Variants in CLSPN observed in about 807,000 individuals in gnomAD.
CLSPN encodes claspin homolog.
A neutral mutation model predicts 156.3 loss-of-function variants in CLSPN; 85 were observed. The ratio of observed to expected loss-of-function variants is 0.54; its 90% CI spans 0.46 to 0.65. The LOEUF (loss-of-function observed/expected upper bound fraction) is 0.65, where lower values mean the gene tolerates loss of function less well. CLSPN is among the 30% of genes least tolerant of loss of function. CLSPN has a pLI of 0.00. For missense variants in CLSPN, 1,407 were observed against 1,554.9 expected (o/e 0.90, Z 1.60); for synonymous variants, 534 against 542.4 (o/e 0.98, Z 0.22).
At position 35,751,586 on chromosome 1, in the gene CLSPN, A is replaced by G. The variant is rs1642089315; in HGVS notation, c.1772-80T>C. 4 of 1,504,556 alleles carry G rather than the reference A, an allele frequency of 2.7e-6. No individual in the cohort carries two copies. In the East Asian group the frequency reaches 9.1e-5, roughly 34 times the overall value. 93.2% of individuals were successfully genotyped at this position (1,504,556 alleles called of 1,614,324 possible). A position where few individuals can be genotyped will look rare whatever the true frequency, so the allele number is the denominator to read the frequency against. On this transcript the variant is annotated intron_variant, in intron 9 of 24. Transcript: ENST00000318121. ...TTTTAGGCAACTCCAGAAATATTCT[A>G]GTCACATCCCAAAAGGAAAATCTGA...
intron 18 of CLSPN, among the ~76,000 whole-genome samples, chr1:35,741,792 G>A (rs919462504): frequency 6.6e-6 from 1 of 151,550 alleles, no homozygotes; most frequent in African/African-American, 2.4e-5. Context: ...GACCAACATG[G>A]TGAAACCCCG....
intron 24 of CLSPN, among the ~76,000 whole-genome samples, chr1:35,723,091 A>T (rs1641111406): frequency 6.6e-6 from 1 of 152,238 alleles, no homozygotes; most frequent in African/African-American, 2.4e-5. Flanking sequence ...GTCCATGTCC[A>T]CAGGAAGACA....
intron 8 of CLSPN, among the ~76,000 whole-genome samples, chr1:35,759,777 A>C (rs1175520952): frequency 1.3e-5 from 2 of 152,076 alleles, no homozygotes; most frequent in Non-Finnish European, 2.9e-5. Flanking sequence ...AAATTCCTAA[A>C]TACCATAACA....
At chr1:35,741,544 G>A (rs1435003504) in intron 18 of CLSPN, among the ~76,000 whole-genome samples, 1 of 152,114 alleles carries the variant, frequency 6.6e-6, no homozygotes, top group Admixed American at 6.6e-5. Flanking sequence ...TCGAACTCCT[G>A]ACCTCAGGTG....
rs1215685860 is a variant in CLSPN, at chr1:35,739,264, C to T, written c.3309-7G>A. 1.9e-6 allele frequency: 3 copies of T among 1,614,150 alleles called. No homozygotes were observed. The highest frequency in any genetic ancestry group is 2.5e-6 in the Non-Finnish European group (3 of 1,180,024). On this transcript the variant is annotated splice_polypyrimidine_tract_variant and splice_region_variant and intron_variant, in intron 19 of 24. Coordinates refer to ENST00000318121, the MANE Select transcript of CLSPN (RefSeq NM_022111.4). ...ATCATCCAACATAGTTTTCCTGCAACAGGAGAAATAAGGTGTTCAAAACAA... is the reference window on the plus strand; with the variant it reads ...ATCATCCAACATAGTTTTCCTGCAATAGGAGAAATAAGGTGTTCAAAACAA...
At chr1:35,748,774 A>T in intron 12 of CLSPN, 170 bp from the exon 13 acceptor site, 2 of 575,068 alleles carry the variant, frequency 3.5e-6, no homozygotes, top group Non-Finnish European at 6.4e-6. Context: ...AGATAGCATT[A>T]TATAATCAGG....
At chr1:35,730,360 A>G (rs1243060208), downstream of CLSPN, among the ~76,000 whole-genome samples, 1 of 152,054 alleles carries the variant, frequency 6.6e-6, no homozygotes, top group Non-Finnish European at 1.5e-5. Context: ...CCTGGCCAAC[A>G]TGGTGAAACC....
chr1:35,769,771 GGTCTACCCCGGCCC>G, intron 1 of CLSPN, 62 bp downstream of exon 1: 1 of 1,426,212 alleles, frequency 7.0e-7, no homozygotes, highest in Non-Finnish European at 9.4e-7. Context: ...GGGTCAGCGG[GGTCTACCCCGGCCC>G]CACCTAACCT....
At position 35,735,739 on chromosome 1, in the gene CLSPN, C is replaced by G. The variant is rs974778846; in HGVS notation, c.*757G>C. The G allele has an allele frequency of 3.0e-6, 3 of 984,596 alleles. No individual in the cohort carries two copies. Among genetic ancestry groups the G allele is most frequent in the African/African-American group, 3.5e-5 (2 of 57,032 alleles). The allele number at this position is 984,596 out of a possible 1,614,324, so 61.0% of individuals were successfully genotyped here. A position where few individuals can be genotyped will look rare whatever the true frequency, so the allele number is the denominator to read the frequency against. ...AAAAAGAAATCTTTCTTTCACCGAGCCCTGGTCATCATGGTACGTATCTCA... is the reference window on the plus strand; with the variant it reads ...AAAAAGAAATCTTTCTTTCACCGAGGCCTGGTCATCATGGTACGTATCTCA... On this transcript the variant is annotated 3_prime_UTR_variant, in exon 25 of 25. Coordinates refer to ENST00000318121, the MANE Select transcript of CLSPN (RefSeq NM_022111.4).
Position 35,735,231 on chromosome 1 carries a change from TC to T in CLSPN, c.*1264del, listed in dbSNP as rs1453319547. 6 of 985,290 alleles carry T rather than the reference TC, an allele frequency of 6.1e-6. No homozygotes were observed. The African/African-American group carries it at 1.0e-4, about 17-fold the overall frequency. 61.0% of individuals were successfully genotyped at this position (985,290 alleles called of 1,614,324 possible). A position where few individuals can be genotyped will look rare whatever the true frequency, so the allele number is the denominator to read the frequency against. The stretch of plus-strand genomic sequence containing the variant: ...CACTGGGTGTAACACTTTATCTTCA[TC>T]CCCAAGCCCCAGAAAATTAGAGGCA... On this transcript the variant is annotated 3_prime_UTR_variant, in exon 25 of 25. Transcript: ENST00000318121.
rs761454840 is a variant in CLSPN at position 35,764,497 on chromosome 1, C to A, written c.351G>T (p.Lys117Asn). 1.2e-6 allele frequency: 2 copies of A among 1,613,906 alleles called. No homozygotes were observed. Among genetic ancestry groups the A allele is most frequent in the Non-Finnish European group, 1.7e-6 (2 of 1,179,986 alleles). ...VADSDESYME[K>N]SLYQENLEAQ... is the part of the protein sequence containing the mutation. ...CTTCAAGATTTTCCTGATACAAAGACTTTTCCATGTAACTTTCATCACTGT... is the reference window on the plus strand; with the variant it reads ...CTTCAAGATTTTCCTGATACAAAGAATTTTCCATGTAACTTTCATCACTGT... Residue 117 changes from lysine (K) to asparagine (N), a missense_variant, in exon 3 of 25, where the codon AAG (lysine) becomes AAT (asparagine). Transcript: ENST00000318121.
At chr1:35,739,013 C>A (rs938325701) in intron 20 of CLSPN, 123 bp downstream of exon 20, 3 of 1,115,664 alleles carry the variant, frequency 2.7e-6, no homozygotes, top group Non-Finnish European at 3.9e-6. Context: ...GTTGTTCAGG[C>A]TGGTCCTGAA....
chr1:35,723,070 A>G (rs1303471795), intron 24 of CLSPN, among the ~76,000 whole-genome samples: 1 of 152,200 alleles, frequency 6.6e-6, no homozygotes, highest in Non-Finnish European at 1.5e-5. Context: ...AAAAGCTCCA[A>G]ATGCAGGGAT....
chr1:35,727,591 C>G (rs1032034901), downstream of CLSPN, among the ~76,000 whole-genome samples: 1 of 152,204 alleles, frequency 6.6e-6, no homozygotes. Flanking sequence ...TCAGTTGGGA[C>G]AGTCTACAAG....
At chr1:35,722,984 T>C (rs1416334276) in intron 24 of CLSPN, among the ~76,000 whole-genome samples, 1 of 152,188 alleles carries the variant, frequency 6.6e-6, no homozygotes, top group East Asian at 1.9e-4. Context: ...TCTAGCACTG[T>C]ATAATTAATA....
At chr1:35,732,054 C>T (rs1229989637), downstream of CLSPN, 4 of 683,344 alleles carry the variant, frequency 5.9e-6, no homozygotes, top group Non-Finnish European at 7.2e-6. Context: ...CAACTGAAGC[C>T]CCCCAGCAAC....
intron 21 of CLSPN, 46 bp from the exon 22 acceptor site, chr1:35,738,143 G>T: frequency 1.5e-6 from 1 of 670,254 alleles, no homozygotes. Flanking sequence ...TATATATACA[G>T]CATTAAAAGT....
chr1:35,736,395 T>C lies in CLSPN; in HGVS notation c.*101A>G. On this transcript the variant is annotated 3_prime_UTR_variant, in exon 25 of 25. Coordinates refer to ENST00000318121, the MANE Select transcript of CLSPN (RefSeq NM_022111.4). Reference sequence around the variant, plus strand: ...GTCTGCAATCTTATTGCATTGATTATGAAAGAAGGAAGGATCATTGGCTGG... The same window carrying C: ...GTCTGCAATCTTATTGCATTGATTACGAAAGAAGGAAGGATCATTGGCTGG... 6.8e-7 allele frequency: 1 copy of C among 1,460,432 alleles called. No individual in the cohort carries two copies. The highest frequency in any genetic ancestry group is 9.0e-7 in the Non-Finnish European group (1 of 1,107,852). The allele number at this position is 1,460,432 out of a possible 1,614,324, so 90.5% of individuals were successfully genotyped here.
At chr1:35,738,307 A>G (rs1374005595) in intron 21 of CLSPN, 148 bp downstream of exon 21, 2 of 875,316 alleles carry the variant, frequency 2.3e-6, no homozygotes, top group East Asian at 5.3e-5. Flanking sequence ...AGCCTTCTCA[A>G]AACACAAAAG....
Sources: gnomAD v4.1 joint callset for allele counts (sites outside exome capture counted in the v4.1 genomes callset) on GRCh38, gnomAD v4.1.1 for gene constraint, MANE v1.5 for transcripts, NCBI Gene and HGNC (gene_info 2026-07-23, HGNC 2026-07-21) for gene names.